The following SGCD variants were observed in gnomAD, a reference collection of about 807,000 sequenced individuals.
SGCD encodes sarcoglycan delta.
A neutral mutation model predicts 36.6 loss-of-function variants in SGCD; 18 were observed. The ratio of observed to expected loss-of-function variants is 0.49; its 90% CI spans 0.34 to 0.73. SGCD has a LOEUF of 0.73. Ranked by LOEUF, SGCD falls within the 30% of genes least tolerant of loss-of-function variation. The pLI is 0.01. For synonymous variants in SGCD, 133 were observed against 130.6 expected (o/e 1.02, Z -0.12); for missense variants, 387 against 346.7 (o/e 1.12, Z -0.92).
intron 3 of SGCD, among the ~76,000 whole-genome samples, chr5:156,192,363 G>C (rs1165928564): frequency 6.6e-6 from 1 of 152,134 alleles, no homozygotes; most frequent in Non-Finnish European, 1.5e-5. Context: ...AGTGAAATAT[G>C]CCAGGTACAG....
At chr5:156,516,277 C>G (rs1325454765) in intron 4 of SGCD, among the ~76,000 whole-genome samples, 2 of 148,786 alleles carry the variant, frequency 1.3e-5, no homozygotes, top group Non-Finnish European at 3.0e-5. Flanking sequence ...CAAGAGCATT[C>G]CAGCCAGCAT....
At chr5:155,945,152 C>A (rs1367432979) in intron 1 of SGCD, among the ~76,000 whole-genome samples, 1 of 152,020 alleles carries the variant, frequency 6.6e-6, no homozygotes, top group Admixed American at 6.6e-5. Flanking sequence ...TTTTGAGAAC[C>A]AATGAGGTCT....
Position 156,412,159 on chromosome 5 carries a change from C to T in SGCD, c.192+67482C>T, listed in dbSNP as rs79406494. On this transcript the variant is annotated intron_variant, in intron 3 of 8. Coordinates refer to ENST00000337851, the MANE Select transcript of SGCD (RefSeq NM_000337.6). Reference sequence around the variant, plus strand: ...GGTAACTGAATGTTGAAATGTTAGCCTGGGTAAGGGTCAGAGTAGCACCTG... The same window carrying T: ...GGTAACTGAATGTTGAAATGTTAGCTTGGGTAAGGGTCAGAGTAGCACCTG... Among the ~76,000 whole-genome samples the T allele has an allele frequency of 6.4e-3, 971 of 152,232 alleles. 11 individuals are homozygous for T. The highest frequency in any genetic ancestry group is 0.022 in the African/African-American group (910 of 41,528).
intron 3 of SGCD, among the ~76,000 whole-genome samples, chr5:156,124,843 G>A (rs1762133383): frequency 6.6e-6 from 1 of 151,896 alleles, no homozygotes; most frequent in Admixed American, 6.6e-5. Context: ...ATTGTGCTAT[G>A]AGCTTTGAAA....
At chr5:156,321,369 G>A (rs745775242) in intron 3 of SGCD, among the ~76,000 whole-genome samples, 4 of 152,218 alleles carry the variant, frequency 2.6e-5, no homozygotes, top group South Asian at 2.1e-4. Context: ...GCAGTGAGCC[G>A]AGATCGCACC....
chr5:156,186,408 T>C (rs1274854939), intron 3 of SGCD, among the ~76,000 whole-genome samples: 1 of 152,162 alleles, frequency 6.6e-6, no homozygotes, highest in African/African-American at 2.4e-5. Flanking sequence ...CCTTCATCCC[T>C]ACCGTTCAAG....
chr5:156,708,560 A>G (rs1237375661), intron 7 of SGCD, among the ~76,000 whole-genome samples: 4 of 152,240 alleles, frequency 2.6e-5, no homozygotes, highest in Admixed American at 6.5e-5. Context: ...GAAGACTTCA[A>G]CAGCTGAATT....
chr5:156,280,568 C>G (rs1294305779), intron 3 of SGCD, among the ~76,000 whole-genome samples: 1 of 152,182 alleles, frequency 6.6e-6, no homozygotes, highest in East Asian at 1.9e-4. Flanking sequence ...TATTTCTTCT[C>G]TCTTTGGGTT....
chr5:156,509,305 A>T (rs1333650536), intron 4 of SGCD, among the ~76,000 whole-genome samples: 2 of 152,116 alleles, frequency 1.3e-5, no homozygotes, highest in Non-Finnish European at 2.9e-5. Context: ...AGCACCTGTA[A>T]TCTTAGCTAC....
At chr5:156,206,423 T>C (rs1390621231) in intron 3 of SGCD, among the ~76,000 whole-genome samples, 3 of 152,048 alleles carry the variant, frequency 2.0e-5, no homozygotes, top group African/African-American at 7.2e-5. Context: ...TTCTTAGGTA[T>C]TGCAAAATTC....
At chr5:156,176,945 CAG>C (rs770337352) in intron 3 of SGCD, among the ~76,000 whole-genome samples, 2 of 152,116 alleles carry the variant, frequency 1.3e-5, no homozygotes, top group African/African-American at 2.4e-5. Flanking sequence ...ATACTTCAAA[CAG>C]ATAATTTGAA....
intron 1 of SGCD, among the ~76,000 whole-genome samples, chr5:156,039,221 AG>A (rs1280565414): frequency 2.0e-5 from 3 of 146,462 alleles, no homozygotes; most frequent in Non-Finnish European, 4.4e-5. Flanking sequence ...CTAGTGAATC[AG>A]CCAGCACACT....
Position 156,727,706 on chromosome 5 carries a change from A to G in SGCD, c.576-29875A>G, listed in dbSNP as rs575166324. Among the ~76,000 whole-genome samples, 24 of 152,312 alleles carry G rather than the reference A, an allele frequency of 1.6e-4. No homozygotes were observed. In the South Asian group the frequency reaches 5.0e-3, roughly 32 times the overall value. On this transcript the variant is annotated intron_variant, in intron 7 of 8. Transcript: ENST00000337851. ...CTATCTTGGTTTCTTCATAAATGAG[A>G]ATAATAATGCCAATATTACATGAGT...
chr5:156,691,815 T>C (rs1055455796), intron 7 of SGCD, among the ~76,000 whole-genome samples: 2 of 152,236 alleles, frequency 1.3e-5, no homozygotes, highest in African/African-American at 2.4e-5. Flanking sequence ...TATCTGCATA[T>C]GCTAGATTTG....
chr5:156,602,876 C>T (rs919379077), intron 6 of SGCD, among the ~76,000 whole-genome samples: 6 of 151,992 alleles, frequency 3.9e-5, no homozygotes, highest in South Asian at 2.1e-4. Context: ...TATCTATGTT[C>T]GTCAGAGGTA....
At chr5:156,165,180 GC>G (rs916413625) in intron 3 of SGCD, among the ~76,000 whole-genome samples, 4 of 152,196 alleles carry the variant, frequency 2.6e-5, no homozygotes, top group Admixed American at 2.6e-4. Flanking sequence ...CCATACTTCT[GC>G]AAGTTGCATG....
At chr5:156,234,447 C>T (rs1171619223) in intron 3 of SGCD, among the ~76,000 whole-genome samples, 1 of 152,150 alleles carries the variant, frequency 6.6e-6, no homozygotes, top group Non-Finnish European at 1.5e-5. Flanking sequence ...AGGCTTGACT[C>T]CTTCTCTAAT....
At chr5:156,357,564 C>A (rs1031794533) in intron 3 of SGCD, among the ~76,000 whole-genome samples, 2 of 152,168 alleles carry the variant, frequency 1.3e-5, no homozygotes, top group African/African-American at 4.8e-5. Context: ...GTTTTATTCT[C>A]ATGAAAAATT....
chr5:156,337,812 A>G (rs779241901), intron 2 of SGCD, among the ~76,000 whole-genome samples: 11 of 152,184 alleles, frequency 7.2e-5, no homozygotes, highest in East Asian at 5.8e-4. Flanking sequence ...TGACATATAT[A>G]GTAGATGTCA....
Sources: allele counts gnomAD v4.1 joint callset (sites outside exome capture counted in the v4.1 genomes callset), GRCh38; gene constraint gnomAD v4.1.1; transcripts MANE v1.5; gene names NCBI Gene and HGNC (gene_info 2026-07-23, HGNC 2026-07-21).